Variants in MARCHF1 observed in about 807,000 individuals in gnomAD.
The protein encoded by MARCHF1 is membrane associated ring-CH-type finger 1, also known as E3 ubiquitin-protein ligase MARCHF1.
MARCHF1 carries 40 observed loss-of-function variants against 54.2 expected under a neutral mutation model. The ratio of observed to expected loss-of-function variants is 0.74; its 90% CI spans 0.57 to 0.96. The LOEUF is 0.96. Among genes scored for constraint, MARCHF1 ranks in the 40% least tolerant of loss-of-function variants. MARCHF1 has a pLI of 0.00. For missense variants in MARCHF1, 586 were observed against 656.5 expected, an observed-to-expected ratio of 0.89 and a Z score of 1.17; for synonymous variants, 236 against 236.3, an observed-to-expected ratio of 1.00 and a Z score of 0.01.
chr4:164,021,945 T>C (rs1753675710), intron 2 of MARCHF1, among the ~76,000 whole-genome samples: 1 of 152,046 alleles, frequency 6.6e-6, no homozygotes, highest in Non-Finnish European at 1.5e-5. Flanking sequence ...AATTTTATTG[T>C]CTATGGAAAT....
At chr4:164,253,551 T>C (rs1733184731) in intron 1 of MARCHF1, among the ~76,000 whole-genome samples, 1 of 152,170 alleles carries the variant, frequency 6.6e-6, no homozygotes, top group Non-Finnish European at 1.5e-5. Flanking sequence ...GTCTGTTTAG[T>C]ATACTCAGTT....
At chr4:164,058,536 T>C (rs1560884420) in intron 2 of MARCHF1, among the ~76,000 whole-genome samples, 3 of 152,224 alleles carry the variant, frequency 2.0e-5, no homozygotes, top group Admixed American at 1.3e-4. Flanking sequence ...CTTGAAATTC[T>C]TAATAATTTT....
intron 4 of MARCHF1, among the ~76,000 whole-genome samples, chr4:163,720,739 T>G (rs112989118): frequency 0.016 from 2,445 of 152,358 alleles, 68 homozygotes; most frequent in African/African-American, 0.056. Context: ...GAAGAGGTCC[T>G]TCACATCCCT....
chr4:163,995,976 G>C (rs1017268872), intron 2 of MARCHF1, among the ~76,000 whole-genome samples: 2 of 151,916 alleles, frequency 1.3e-5, no homozygotes, highest in Admixed American at 6.6e-5. Context: ...TTACTACTGG[G>C]AATAGTTCTG....
intron 2 of MARCHF1, among the ~76,000 whole-genome samples, chr4:164,031,790 CTCT>C (rs1331158885): frequency 4.6e-5 from 7 of 152,040 alleles, no homozygotes; most frequent in Non-Finnish European, 1.0e-4. Flanking sequence ...GTCTAAAATT[CTCT>C]TTTTTTGTTA....
chr4:163,834,981 A>T (rs1560779132), intron 4 of MARCHF1, among the ~76,000 whole-genome samples: 1 of 152,044 alleles, frequency 6.6e-6, no homozygotes, highest in Non-Finnish European at 1.5e-5. Flanking sequence ...TCCTGGGTTC[A>T]AGCTATCCTC....
At chr4:163,629,554 A>T (rs2110986034) in intron 5 of MARCHF1, among the ~76,000 whole-genome samples, 1 of 152,334 alleles carries the variant, frequency 6.6e-6, no homozygotes, top group East Asian at 1.9e-4. Flanking sequence ...AAAATTGACA[A>T]ATGGGATCTA....
chr4:164,179,459 A>G (rs1730776337), intron 1 of MARCHF1, among the ~76,000 whole-genome samples: 1 of 152,198 alleles, frequency 6.6e-6, no homozygotes, highest in Admixed American at 6.5e-5. Context: ...TAAATAATAC[A>G]CTAATACAAT....
intron 5 of MARCHF1, among the ~76,000 whole-genome samples, chr4:163,662,581 G>A (rs530579982): frequency 3.4e-4 from 52 of 151,936 alleles, no homozygotes; most frequent in African/African-American, 1.1e-3. Context: ...CTCTAAGTCC[G>A]TCTGTTACCA....
At chr4:163,816,077 G>T (rs1311980271) in intron 4 of MARCHF1, among the ~76,000 whole-genome samples, 1 of 152,174 alleles carries the variant, frequency 6.6e-6, no homozygotes, top group Non-Finnish European at 1.5e-5. Context: ...CATCAGAGTT[G>T]CCTCATTTCT....
intron 5 of MARCHF1, among the ~76,000 whole-genome samples, chr4:163,690,541 A>G (rs1242557583): frequency 6.6e-6 from 1 of 152,228 alleles, no homozygotes; most frequent in African/African-American, 2.4e-5. Flanking sequence ...CATTGTTCAC[A>G]TAAAAGTACA....
intron 3 of MARCHF1, among the ~76,000 whole-genome samples, chr4:163,952,481 G>A (rs1285446916): frequency 6.6e-6 from 1 of 152,122 alleles, no homozygotes; most frequent in Non-Finnish European, 1.5e-5. Flanking sequence ...TATAAAATAT[G>A]AGACTGGGTC....
intron 1 of MARCHF1, among the ~76,000 whole-genome samples, chr4:164,148,042 A>T (rs1323087735): frequency 1.3e-5 from 2 of 152,058 alleles, no homozygotes; most frequent in Non-Finnish European, 2.9e-5. Context: ...AGATATTAGA[A>T]GGAGTCTAGT....
At chr4:164,227,027 A>G (rs920910109) in intron 1 of MARCHF1, among the ~76,000 whole-genome samples, 2 of 152,114 alleles carry the variant, frequency 1.3e-5, no homozygotes, top group African/African-American at 4.8e-5. Context: ...ACAACTGAGG[A>G]GCACTGAATA....
At chr4:163,583,857 T>C (rs1436183317) in intron 8 of MARCHF1, 1 of 151,388 alleles carries the variant, frequency 6.6e-6, no homozygotes, top group Non-Finnish European at 1.5e-5. Context: ...AGATTTCACT[T>C]TGTTGCCCAG....
intron 9 of MARCHF1, among the ~76,000 whole-genome samples, chr4:163,533,034 C>T (rs1445596135): frequency 4.6e-5 from 7 of 151,974 alleles, no homozygotes; most frequent in Non-Finnish European, 1.0e-4. Flanking sequence ...AACTTACGTC[C>T]ACACAAAAAC....
chr4:164,008,119 T>C (rs1426422678), intron 2 of MARCHF1, among the ~76,000 whole-genome samples: 1 of 152,056 alleles, frequency 6.6e-6, no homozygotes, highest in Non-Finnish European at 1.5e-5. Flanking sequence ...GCATATAGGC[T>C]GAAATTAAAG....
At chr4:163,880,505 T>G (rs949518010) in intron 3 of MARCHF1, among the ~76,000 whole-genome samples, 1 of 151,384 alleles carries the variant, frequency 6.6e-6, no homozygotes, top group South Asian at 2.1e-4. Context: ...CTAATACAGT[T>G]ATATATTATT....
intron 5 of MARCHF1, among the ~76,000 whole-genome samples, chr4:163,665,006 T>C (rs1402406660): frequency 6.6e-6 from 1 of 152,050 alleles, no homozygotes; most frequent in Non-Finnish European, 1.5e-5. Context: ...AAATACAATT[T>C]TAATATTTTT....
Sources: allele counts gnomAD v4.1 joint callset (sites outside exome capture counted in the v4.1 genomes callset), GRCh38; gene constraint gnomAD v4.1.1; transcripts MANE v1.5; gene names NCBI Gene and HGNC (gene_info 2026-07-23, HGNC 2026-07-21).